PRKAR1A: variants seen among roughly 807,000 people sequenced by gnomAD.
PRKAR1A encodes the protein protein kinase cAMP-dependent type I regulatory subunit alpha, also known as cAMP-dependent protein kinase type I-alpha regulatory subunit.
A neutral mutation model predicts 52.0 loss-of-function variants in PRKAR1A; 3 were observed. That is an observed-to-expected ratio of 0.06 (90% CI 0.03 to 0.15). The LOEUF (loss-of-function observed/expected upper bound fraction) is 0.15, where lower values mean the gene tolerates loss of function less well. PRKAR1A is among the 10% of genes least tolerant of loss of function. The probability of loss-of-function intolerance (pLI) is 1.00; values close to 1 mark genes in which losing one functional copy is unlikely to be tolerated. For missense variants in PRKAR1A, 240 were observed against 477.4 expected (o/e 0.50, Z 4.63); for synonymous variants, 188 against 168.4 (o/e 1.12, Z -0.90).
chr17:68,546,722 C>T (rs1331783551), intron 11 of PRKAR1A, among the ~76,000 whole-genome samples: 5 of 147,916 alleles, frequency 3.4e-5, no homozygotes, highest in East Asian at 4.1e-4. Flanking sequence ...CCCAGCCACT[C>T]GGGAGGCTGA....
the PRKAR1A span, among the ~76,000 whole-genome samples, chr17:68,486,494 CTTCCTTCCTTCCTTCTTTCTTTCTTTCT>C: frequency 0.05 from 3,217 of 64,574 alleles, 47 homozygotes; most frequent in Middle Eastern, 0.17. Context: ...TCCTTCCTTC[CTTCCTTCCTTCCTTCTTTCTTTCTTTCT>C]TTCTTTCTTT....
chr17:68,519,808 G>T (rs2085547624), intron 2 of PRKAR1A, among the ~76,000 whole-genome samples: 1 of 152,176 alleles, frequency 6.6e-6, no homozygotes, highest in South Asian at 2.1e-4. Context: ...CAGTGACCTT[G>T]TGTCTGCTGT....
the PRKAR1A span, among the ~76,000 whole-genome samples, chr17:68,443,344 C>G: frequency 2.0e-5 from 3 of 152,154 alleles, no homozygotes; most frequent in Admixed American, 2.0e-4. Flanking sequence ...AACTCCTAAC[C>G]TCAGGTGATC....
chr17:68,466,537 G>A, the PRKAR1A span, among the ~76,000 whole-genome samples: 3 of 147,440 alleles, frequency 2.0e-5, no homozygotes, highest in East Asian at 2.1e-4. Context: ...TCGGCCTCCC[G>A]AGTAGCTGGG....
At chr17:68,469,720 A>C in the PRKAR1A span, among the ~76,000 whole-genome samples, 1 of 152,150 alleles carries the variant, frequency 6.6e-6, no homozygotes, top group Non-Finnish European at 1.5e-5. Flanking sequence ...TTACACTCTT[A>C]AAAATTATTA....
downstream of PRKAR1A, among the ~76,000 whole-genome samples, chr17:68,534,639 A>C (rs547587909): frequency 7.0e-6 from 1 of 143,340 alleles, no homozygotes; most frequent in South Asian, 2.2e-4. Flanking sequence ...AAGTGTAGTG[A>C]TGAAGTGCTG....
the PRKAR1A span, among the ~76,000 whole-genome samples, chr17:68,476,865 G>A: frequency 3.9e-5 from 6 of 152,100 alleles, no homozygotes; most frequent in African/African-American, 1.2e-4. Context: ...GTTTCACCAT[G>A]TTGGCAGGGT....
At chr17:68,500,668 C>A in the PRKAR1A span, among the ~76,000 whole-genome samples, 1 of 152,138 alleles carries the variant, frequency 6.6e-6, no homozygotes. Flanking sequence ...TGCCCACCAC[C>A]ACGCCCGGCT....
the PRKAR1A span, chr17:68,436,480 C>T: frequency 6.2e-7 from 1 of 1,613,682 alleles, no homozygotes; most frequent in South Asian, 1.1e-5. Context: ...GCACATAGAC[C>T]TGGCAAAGAA....
At chr17:68,440,620 T>G in the PRKAR1A span, 1 of 152,210 alleles carries the variant, frequency 6.6e-6, no homozygotes, top group Non-Finnish European at 1.5e-5. Context: ...CTTTTGGATG[T>G]GTTATAGCTT....
At chr17:68,417,193 T>C in the PRKAR1A span, among the ~76,000 whole-genome samples, 1 of 152,166 alleles carries the variant, frequency 6.6e-6, no homozygotes, top group South Asian at 2.1e-4. Flanking sequence ...TTCCCTCCCC[T>C]TAGGTGGAAC....
the PRKAR1A span, among the ~76,000 whole-genome samples, chr17:68,461,390 G>T: frequency 1.1e-4 from 17 of 152,156 alleles, no homozygotes; most frequent in African/African-American, 3.9e-4. The surrounding 1 kb of genome is among the most constrained non-coding windows in gnomAD (Gnocchi z 4.6). Flanking sequence ...TAACAATCAG[G>T]TTGTAATTTT....
chr17:68,546,118 G>A (rs1425137749), intron 11 of PRKAR1A, among the ~76,000 whole-genome samples: 1 of 141,916 alleles, frequency 7.0e-6, no homozygotes, highest in Non-Finnish European at 1.5e-5. Flanking sequence ...GCAGTGAGCC[G>A]AGATTGTGCC....
chr17:68,515,587 A>G lies in PRKAR1A; in HGVS notation c.177+11A>G, dbSNP rs749572873. On this transcript the variant is annotated intron_variant, in intron 2 of 10. Coordinates refer to ENST00000589228, the MANE Select transcript of PRKAR1A (RefSeq NM_002734.5). Reference sequence around the variant, plus strand: ...GAGAGGTTGGAGAAGGTAAAAATAAATGTGGGGAGATGATGAGGTGATTGT... The same window carrying G: ...GAGAGGTTGGAGAAGGTAAAAATAAGTGTGGGGAGATGATGAGGTGATTGT... The G allele has an allele frequency of 6.2e-7, 1 of 1,609,418 alleles. No homozygotes were observed. Among genetic ancestry groups the G allele is most frequent in the Non-Finnish European group, 8.5e-7 (1 of 1,177,754 alleles).
the PRKAR1A span, among the ~76,000 whole-genome samples, chr17:68,489,440 GTATA>G: frequency 9.2e-6 from 1 of 109,164 alleles, no homozygotes; most frequent in Non-Finnish European, 1.8e-5. Context: ...TATATGGAAA[GTATA>G]TATATATATA....
the PRKAR1A span, among the ~76,000 whole-genome samples, chr17:68,492,558 G>T: frequency 3.3e-4 from 50 of 152,258 alleles, 1 homozygote; most frequent in South Asian, 8.3e-4. Flanking sequence ...AGCTGAAGAA[G>T]GTGTAGAGAT....
At chr17:68,528,672 A>G in intron 8 of PRKAR1A, 198 bp from the exon 9 acceptor site, 1 of 667,212 alleles carries the variant, frequency 1.5e-6, no homozygotes, top group Non-Finnish European at 2.6e-6. Flanking sequence ...CGAAGTAAGG[A>G]TCTAAGGGCT....
chr17:68,495,930 GTTTCCTTTCC>G, the PRKAR1A span, among the ~76,000 whole-genome samples: 44 of 133,650 alleles, frequency 3.3e-4, 1 homozygote, highest in African/African-American at 1.2e-3. Context: ...CCCTCTCTGC[GTTTCCTTTCC>G]TTTCCTTTCC....
At chr17:68,537,814 C>G, downstream of PRKAR1A, 1 of 1,509,456 alleles carries the variant, frequency 6.6e-7, no homozygotes. This position sits in a 1 kb window ranked among gnomAD's most constrained non-coding sequence, Gnocchi z 4.2. Flanking sequence ...TCTTTCCCCA[C>G]AAACAGCTGT....
Sources: allele counts gnomAD v4.1 joint callset (sites outside exome capture counted in the v4.1 genomes callset), GRCh38; gene constraint gnomAD v4.1.1; non-coding constraint Gnocchi (gnomAD v3.1); transcripts MANE v1.5; gene names NCBI Gene and HGNC (gene_info 2026-07-23, HGNC 2026-07-21).